Variants in PHF21B observed in about 807,000 individuals in gnomAD.
PHF21B encodes PHD finger protein 21B.
Under a neutral mutation model 62.2 loss-of-function variants are expected in PHF21B, and 22 were observed. The ratio of observed to expected loss-of-function variants is 0.35; its 90% confidence interval spans 0.25 to 0.51. PHF21B has a LOEUF of 0.51. Ranked by LOEUF, PHF21B falls within the 20% of genes least tolerant of loss-of-function variation. The probability of loss-of-function intolerance (pLI) is 0.97; values close to 1 mark genes in which losing one functional copy is unlikely to be tolerated. For missense variants in PHF21B, 701 were observed against 707.9 expected, an observed-to-expected ratio of 0.99 and a Z score of 0.11; for synonymous variants, 341 against 314.7, an observed-to-expected ratio of 1.08 and a Z score of -0.88.
chr22:44,963,633 T>C (rs111911001), intron 2 of PHF21B, among the ~76,000 whole-genome samples: 4 of 152,356 alleles, frequency 2.6e-5, no homozygotes, highest in African/African-American at 9.6e-5. Context: ...CACCGCAGAC[T>C]TTGTTTTAAC....
At chr22:44,933,115 CT>C (rs35793325) in intron 2 of PHF21B, among the ~76,000 whole-genome samples, 84 of 140,954 alleles carry the variant, frequency 6.0e-4, no homozygotes, top group Admixed American at 6.4e-4. Flanking sequence ...TCTTCTATTT[CT>C]TTTTTTTTTT....
intron 2 of PHF21B, among the ~76,000 whole-genome samples, chr22:44,938,063 A>C (rs1341340613): frequency 6.6e-6 from 1 of 152,232 alleles, no homozygotes; most frequent in African/African-American, 2.4e-5. Flanking sequence ...ATTTTATCTC[A>C]AATTTTAAAA....
chr22:44,978,448 T>C (rs555046719), intron 2 of PHF21B, among the ~76,000 whole-genome samples: 1 of 152,310 alleles, frequency 6.6e-6, no homozygotes, highest in African/African-American at 2.4e-5. Flanking sequence ...CCACCTCCGC[T>C]TCCCGGGTTC....
chr22:44,978,027 G>A (rs1382689653), intron 2 of PHF21B, among the ~76,000 whole-genome samples: 4 of 152,168 alleles, frequency 2.6e-5, no homozygotes, highest in East Asian at 3.9e-4. Flanking sequence ...TGTAGACACA[G>A]TGCATACATG....
chr22:44,969,370 T>A (rs1397919033), intron 2 of PHF21B, among the ~76,000 whole-genome samples: 1 of 152,144 alleles, frequency 6.6e-6, no homozygotes, highest in Non-Finnish European at 1.5e-5. Flanking sequence ...TTTCTGCAAC[T>A]GAAAAATGGA....
rs894502290 is a variant in PHF21B, at chr22:44,996,465, C to T, written c.120+12080G>A. On this transcript the variant is annotated intron_variant, in intron 2 of 12. Coordinates refer to ENST00000313237, the MANE Select transcript of PHF21B (RefSeq NM_138415.5). ...TCAGGGTATTCCTCCAGACTGGGGGCGGAAATCAGCTTTCACCTAACTTTC... is the reference window on the plus strand; with the variant it reads ...TCAGGGTATTCCTCCAGACTGGGGGTGGAAATCAGCTTTCACCTAACTTTC... Among the ~76,000 whole-genome samples the T allele has an allele frequency of 1.4e-4, 21 of 152,164 alleles. 1 individual carries two copies. The highest frequency in any genetic ancestry group is 4.1e-4 in the African/African-American group (17 of 41,500).
chr22:45,008,777 C>G (rs1305201224), intron 1 of PHF21B, 167 bp from the exon 2 acceptor site: 3 of 1,154,564 alleles, frequency 2.6e-6, no homozygotes, highest in Non-Finnish European at 2.1e-6. Context: ...CGGGCAGTGC[C>G]GCGCGGGGCC....
intron 2 of PHF21B, among the ~76,000 whole-genome samples, chr22:44,981,197 G>A (rs2147476194): frequency 6.6e-6 from 1 of 152,274 alleles, no homozygotes; most frequent in East Asian, 1.9e-4. Flanking sequence ...GGGGAGGAGA[G>A]GAGAGACCTA....
chr22:44,926,617 G>A (rs533883763), intron 2 of PHF21B, among the ~76,000 whole-genome samples: 222 of 152,348 alleles, frequency 1.5e-3, no homozygotes, highest in African/African-American at 5.1e-3. Flanking sequence ...GTGGGCTGAG[G>A]AGGCCGAGGA....
At chr22:44,981,673 T>C (rs2072844179) in intron 2 of PHF21B, among the ~76,000 whole-genome samples, 1 of 152,208 alleles carries the variant, frequency 6.6e-6, no homozygotes, top group South Asian at 2.1e-4. Context: ...TCACCTGTGC[T>C]CTCTCAGAAA....
intron 2 of PHF21B, chr22:44,969,234 G>A (rs2072590464): frequency 1.3e-5 from 2 of 152,254 alleles, no homozygotes; most frequent in African/African-American, 4.8e-5. Context: ...TCATCACAAA[G>A]GACACCCCAA....
chr22:44,898,339 T>C (rs1358894287), intron 5 of PHF21B, among the ~76,000 whole-genome samples: 3 of 151,532 alleles, frequency 2.0e-5, no homozygotes, highest in African/African-American at 4.8e-5. Context: ...GTAACACACC[T>C]TCTCATCACA....
At chr22:45,007,049 C>G (rs1379411062) in intron 2 of PHF21B, among the ~76,000 whole-genome samples, 11 of 152,020 alleles carry the variant, frequency 7.2e-5, no homozygotes, top group African/African-American at 2.7e-4. Context: ...CGCCGGGCCC[C>G]CCTCCGGCGG....
intron 2 of PHF21B, among the ~76,000 whole-genome samples, chr22:44,939,168 G>A (rs1319645597): frequency 1.3e-5 from 2 of 152,218 alleles, no homozygotes; most frequent in African/African-American, 4.8e-5. Context: ...GGGGAAGAGG[G>A]AGACTCCCGC....
chr22:44,996,864 G>A (rs991983584), intron 2 of PHF21B, among the ~76,000 whole-genome samples: 2 of 151,894 alleles, frequency 1.3e-5, no homozygotes, highest in Non-Finnish European at 2.9e-5. Flanking sequence ...ACACACACAT[G>A]CATACATGCA....
intron 2 of PHF21B, among the ~76,000 whole-genome samples, chr22:44,944,812 A>G (rs1172098597): frequency 7.7e-6 from 1 of 129,130 alleles, no homozygotes; most frequent in African/African-American, 2.7e-5. Flanking sequence ...AGCCCATCGC[A>G]TGGGTTCAGA....
chr22:44,917,788 G>A (rs1002580005), intron 3 of PHF21B, among the ~76,000 whole-genome samples: 2 of 152,202 alleles, frequency 1.3e-5, no homozygotes, highest in Admixed American at 1.3e-4. Context: ...GGTCCAGGGT[G>A]GCTCCTACAG....
chr22:44,965,915 C>T (rs942499967), intron 2 of PHF21B, among the ~76,000 whole-genome samples: 3 of 152,226 alleles, frequency 2.0e-5, no homozygotes, highest in African/African-American at 7.2e-5. Context: ...CCCCCTGCTC[C>T]ACCACTTCCT....
chr22:44,916,585 C>T lies in PHF21B; in HGVS notation c.259G>A (p.Gly87Ser). The stretch of plus-strand genomic sequence containing the variant: ...GGCTGCTTGGGTGGCCGGTCCCGGC[C>T]CGGGGCAACGGGGAGGCTGTCTGGA... The part of the protein sequence containing the change: ...LIPDSLPVAP[G>S]RDRPPKQPPT... Residue 87 changes from glycine to serine, a missense_variant, in exon 4 of 13, where the codon GGC becomes AGC. Physicochemically the swap from Gly to Ser is moderately conservative, Grantham distance 56. Transcript: ENST00000313237. The T allele has an allele frequency of 1.2e-6, 2 of 1,605,394 alleles. No individual in the cohort carries two copies. Among genetic ancestry groups the T allele is most frequent in the Non-Finnish European group, 1.7e-6 (2 of 1,179,928 alleles).
Sources: allele counts gnomAD v4.1 joint callset (sites outside exome capture counted in the v4.1 genomes callset), GRCh38; gene constraint gnomAD v4.1.1; transcripts MANE v1.5; gene names NCBI Gene and HGNC (gene_info 2026-07-23, HGNC 2026-07-21).